The following OR6N1 variants were observed in gnomAD, a reference collection of about 807,000 sequenced individuals.
OR6N1 encodes the protein olfactory receptor family 6 subfamily N member 1, also known as olfactory receptor 6N1.
For synonymous variants in OR6N1, 170 were observed against 150.7 expected (o/e 1.13, Z -0.94); for missense variants, 394 against 371.7 (o/e 1.06, Z -0.49).
At chr1:158,818,618 G>A in the OR6N1 span, among the ~76,000 whole-genome samples, 2 of 152,136 alleles carry the variant, frequency 1.3e-5, no homozygotes, top group African/African-American at 2.4e-5. Context: ...ACATGGAGAG[G>A]AGAGATCAGA....
intron 1 of OR6N1, among the ~76,000 whole-genome samples, chr1:158,771,034 C>T (rs1657413224): frequency 6.6e-6 from 1 of 152,164 alleles, no homozygotes; most frequent in African/African-American, 2.4e-5. Context: ...TCAATGTTTG[C>T]CAAGTGGGTT....
At chr1:158,817,816 A>G in the OR6N1 span, among the ~76,000 whole-genome samples, 1 of 152,358 alleles carries the variant, frequency 6.6e-6, no homozygotes, top group African/African-American at 2.4e-5. Context: ...GGATAATGGC[A>G]TAACTTAAAA....
Position 158,766,516 on chromosome 1 carries a change from T to C in OR6N1, c.167A>G (p.His56Arg). The change falls in exon 2 of 2, where the codon CAC becomes CGC. Residue 56 changes from histidine to arginine, a missense_variant. By Grantham distance (29) the His-to-Arg change is conservative. Transcript: ENST00000641846. Reference sequence around the variant, plus strand: ...GCTGACAAAGTGGTACATGGGTGTGTGAAGCCGGGAGTCCAGGCAGACCAC... The same window carrying C: ...GCTGACAAAGTGGTACATGGGTGTGCGAAGCCGGGAGTCCAGGCAGACCAC... The part of the protein sequence containing the change: ...FLVVCLDSRL[H>R]TPMYHFVSIL... The C allele has an allele frequency of 6.2e-7, 1 of 1,614,122 alleles. No homozygotes were observed. Among genetic ancestry groups the C allele is most frequent in the South Asian group, 1.1e-5 (1 of 91,074 alleles).
At chr1:158,786,236 T>A in the OR6N1 span, among the ~76,000 whole-genome samples, 1 of 152,086 alleles carries the variant, frequency 6.6e-6, no homozygotes, top group African/African-American at 2.4e-5. Flanking sequence ...AACAAATATA[T>A]GAAAACAATG....
upstream of OR6N1, chr1:158,775,735 A>G (rs1005152203): frequency 9.9e-5 from 15 of 151,234 alleles, no homozygotes; most frequent in African/African-American, 3.6e-4. Context: ...TTAAGAATAT[A>G]TTTTGTGAAA....
At chr1:158,798,425 T>A in the OR6N1 span, among the ~76,000 whole-genome samples, 3 of 151,778 alleles carry the variant, frequency 2.0e-5, no homozygotes, top group Non-Finnish European at 4.4e-5. Context: ...ATACTTTTTG[T>A]TATTGTTCAG....
At chr1:158,786,769 A>G in the OR6N1 span, among the ~76,000 whole-genome samples, 6 of 152,202 alleles carry the variant, frequency 3.9e-5, no homozygotes, top group Non-Finnish European at 5.9e-5. Flanking sequence ...ATATGTTCTC[A>G]CTTGTAAGTG....
the OR6N1 span, among the ~76,000 whole-genome samples, chr1:158,813,221 C>T: frequency 6.6e-6 from 1 of 152,130 alleles, no homozygotes; most frequent in East Asian, 1.9e-4. Flanking sequence ...GTAAACTACA[C>T]ATTTATTTGT....
the OR6N1 span, among the ~76,000 whole-genome samples, chr1:158,837,858 T>C: frequency 6.6e-6 from 1 of 151,762 alleles, no homozygotes; most frequent in East Asian, 1.9e-4. Context: ...TATGTTCTTC[T>C]ATTCCTTTGT....
the OR6N1 span, among the ~76,000 whole-genome samples, chr1:158,791,123 T>G: frequency 6.6e-6 from 1 of 152,244 alleles, no homozygotes; most frequent in African/African-American, 2.4e-5. Context: ...ACCAACTTGA[T>G]CATGTCAAAT....
At chr1:158,829,600 C>T in the OR6N1 span, among the ~76,000 whole-genome samples, 8 of 152,188 alleles carry the variant, frequency 5.3e-5, no homozygotes, top group Admixed American at 2.6e-4. Flanking sequence ...AAGTTCCAAA[C>T]ATTCCCACAT....
the OR6N1 span, among the ~76,000 whole-genome samples, chr1:158,807,493 C>T: frequency 6.6e-6 from 1 of 152,204 alleles, no homozygotes; most frequent in African/African-American, 2.4e-5. Flanking sequence ...TTACTCTGCT[C>T]AGCAGAGGAA....
intron 1 of OR6N1, among the ~76,000 whole-genome samples, chr1:158,769,111 C>CT (rs1657349209): frequency 6.6e-6 from 1 of 152,216 alleles, no homozygotes; most frequent in South Asian, 2.1e-4. Flanking sequence ...AGTTACAAGC[C>CT]ATGGGCTGGA....
At chr1:158,789,046 A>C in the OR6N1 span, among the ~76,000 whole-genome samples, 5 of 152,112 alleles carry the variant, frequency 3.3e-5, no homozygotes, top group African/African-American at 1.2e-4. Flanking sequence ...CCAACTTTCT[A>C]TCTTCATGAT....
chr1:158,834,815 A>C, the OR6N1 span, among the ~76,000 whole-genome samples: 3 of 152,202 alleles, frequency 2.0e-5, no homozygotes, highest in Non-Finnish European at 4.4e-5. Flanking sequence ...GATGTAGGTA[A>C]GGGTTCAACT....
rs779759184 is a variant in OR6N1 at position 158,766,465 on chromosome 1, T to C, written c.218A>G (p.Tyr73Cys). The change falls in exon 2 of 2, where the codon TAT (tyrosine) becomes TGT (cysteine). Residue 73 changes from tyrosine (Y) to cysteine (C), a missense_variant. Physicochemically the swap from Tyr to Cys is radical, Grantham distance 194 (BLOSUM62 -2). Coordinates refer to ENST00000641846, the MANE Select transcript of OR6N1 (RefSeq NM_001005185.2). ...CATCTTAGGGATGGTGGCAGCTGTA[T>C]AGCCAAGCTCTGAGAAGGAGAGAAT... ...VSILSFSELG[Y>C]TAATIPKMLA... The C allele has an allele frequency of 3.2e-5, 52 of 1,614,064 alleles. No individual in the cohort carries two copies. The Admixed American group carries it at 7.7e-4, about 24-fold the overall frequency.
the OR6N1 span, among the ~76,000 whole-genome samples, chr1:158,779,447 T>C: frequency 6.6e-6 from 1 of 152,234 alleles, no homozygotes; most frequent in Non-Finnish European, 1.5e-5. Context: ...TTTAAACAAT[T>C]CATTTAATAA....
At chr1:158,782,197 G>T in the OR6N1 span, among the ~76,000 whole-genome samples, 1 of 152,188 alleles carries the variant, frequency 6.6e-6, no homozygotes, top group African/African-American at 2.4e-5. Flanking sequence ...ATGTATAAAT[G>T]TGTATTGTGA....
chr1:158,809,602 G>C, the OR6N1 span, among the ~76,000 whole-genome samples: 1 of 152,046 alleles, frequency 6.6e-6, no homozygotes, highest in Non-Finnish European at 1.5e-5. Flanking sequence ...GTGACTCAGT[G>C]ATTTTCTCCC....
Sources: gnomAD v4.1 joint callset for allele counts (sites outside exome capture counted in the v4.1 genomes callset) on GRCh38, gnomAD v4.1.1 for gene constraint, MANE v1.5 for transcripts, NCBI Gene and HGNC (gene_info 2026-07-23, HGNC 2026-07-21) for gene names.